CAMTA1: variants seen among roughly 807,000 people sequenced by gnomAD.
CAMTA1 encodes the protein calmodulin-binding transcription activator 1.
Under a neutral mutation model 170.9 loss-of-function variants are expected in CAMTA1, and 27 were observed. The ratio of observed to expected loss-of-function variants is 0.16; its 90% CI spans 0.12 to 0.22. The LOEUF is 0.22. Among genes scored for constraint, CAMTA1 ranks in the 10% least tolerant of loss-of-function variants. CAMTA1 has a pLI of 1.00. For synonymous variants in CAMTA1, 833 were observed against 891.5 expected, an observed-to-expected ratio of 0.93 and a Z score of 1.17; for missense variants, 1,619 against 2,217.2, an observed-to-expected ratio of 0.73 and a Z score of 5.42.
chr1:7,690,496 G>C (rs2066294), intron 11 of CAMTA1, among the ~76,000 whole-genome samples: 2 of 152,242 alleles, frequency 1.3e-5, no homozygotes, highest in Non-Finnish European at 2.9e-5. Flanking sequence ...GTGGTCTTGA[G>C]AAGAGCTGGT....
intron 3 of CAMTA1, among the ~76,000 whole-genome samples, chr1:6,969,181 G>A (rs1011007111): frequency 6.6e-6 from 1 of 152,180 alleles, no homozygotes; most frequent in Non-Finnish European, 1.5e-5. Flanking sequence ...CTACCGCAAA[G>A]GGCACTTGTT....
chr1:7,529,831 T>C (rs1019732541), intron 6 of CAMTA1, among the ~76,000 whole-genome samples: 2 of 152,346 alleles, frequency 1.3e-5, no homozygotes, highest in Middle Eastern at 3.4e-3. Context: ...AGTAGGTGTT[T>C]GATAAATGGC....
At chr1:7,237,937 C>A (rs148383426) in intron 4 of CAMTA1, among the ~76,000 whole-genome samples, 20 of 152,368 alleles carry the variant, frequency 1.3e-4, no homozygotes, top group African/African-American at 4.6e-4. Flanking sequence ...ATCCTATTCA[C>A]TAAAACAGAG....
At chr1:7,700,673 T>G (rs3011931) in intron 11 of CAMTA1, 140,833 of 152,240 alleles carry the variant, frequency 0.93, 65,240 homozygotes, top group East Asian at 1. Flanking sequence ...AAAGAATGTG[T>G]TGGGCAGGTC....
chr1:6,902,002 G>A lies in CAMTA1; in HGVS notation c.234+76792G>A, dbSNP rs75136593. Among the ~76,000 whole-genome samples the A allele has an allele frequency of 2.5e-3, 371 of 146,564 alleles. 1 individual carries two copies. Among genetic ancestry groups the A allele is most frequent in the African/African-American group, 9.1e-3 (358 of 39,198 alleles). Reference sequence around the variant, plus strand: ...GGAGGTTGCAGTGAGCAGAGATCACGCCACTGCACTTCAGCCCGAATGACA... The same window carrying A: ...GGAGGTTGCAGTGAGCAGAGATCACACCACTGCACTTCAGCCCGAATGACA... On this transcript the variant is annotated intron_variant, in intron 3 of 22. Coordinates refer to ENST00000303635, the MANE Select transcript of CAMTA1 (RefSeq NM_015215.4).
intron 6 of CAMTA1, among the ~76,000 whole-genome samples, chr1:7,623,214 C>A (rs2095611075): frequency 6.6e-6 from 1 of 152,186 alleles, no homozygotes; most frequent in African/African-American, 2.4e-5. Flanking sequence ...TCACAGTAGA[C>A]CCCAAATGTA....
In CAMTA1 at chr1:7,224,265, C is replaced by T. The variant is rs1000947070; in HGVS notation, c.303-25226C>T. Among the ~76,000 whole-genome samples, 4 of 152,148 alleles carry T rather than the reference C, an allele frequency of 2.6e-5. No individual in the cohort carries two copies. The highest frequency in any genetic ancestry group is 4.4e-5 in the Non-Finnish European group (3 of 68,042). On this transcript the variant is annotated intron_variant, in intron 4 of 22. Coordinates refer to ENST00000303635, the MANE Select transcript of CAMTA1 (RefSeq NM_015215.4). The surrounding 1 kb of genome is among the most constrained non-coding windows in gnomAD (Gnocchi z 5.2). ...CTGCAGGCTTAGCTGGAAACATAAT[C>T]GCTGCTCAAGGTCAGGCTGTGCCCA...
At chr1:7,108,751 C>T (rs763063195) in intron 4 of CAMTA1, among the ~76,000 whole-genome samples, 19 of 152,158 alleles carry the variant, frequency 1.2e-4, no homozygotes, top group South Asian at 2.1e-4. Flanking sequence ...TTACCTATTG[C>T]GCTAATTTTA....
At chr1:6,982,644 TG>T (rs199682619) in intron 3 of CAMTA1, among the ~76,000 whole-genome samples, 2,940 of 152,318 alleles carry the variant, frequency 0.019, 78 homozygotes, top group African/African-American at 0.066. Flanking sequence ...ACAGGCAGCA[TG>T]GCCCCGGGTT....
At chr1:7,491,950 G>T (rs961974298) in intron 6 of CAMTA1, among the ~76,000 whole-genome samples, 1 of 152,172 alleles carries the variant, frequency 6.6e-6, no homozygotes, top group African/African-American at 2.4e-5. Flanking sequence ...GCTCTGGCCA[G>T]CTCACCCTGG....
At chr1:7,704,393 C>T (rs1260491327) in intron 11 of CAMTA1, among the ~76,000 whole-genome samples, 2 of 146,264 alleles carry the variant, frequency 1.4e-5, no homozygotes, top group African/African-American at 4.9e-5. Context: ...GGAACCGTCG[C>T]CGCCCCATTC....
At chr1:7,316,124 C>A (rs894996671) in intron 5 of CAMTA1, among the ~76,000 whole-genome samples, 2 of 152,124 alleles carry the variant, frequency 1.3e-5, no homozygotes, top group African/African-American at 4.8e-5. Context: ...CTGAGAACAG[C>A]ACGGGGGAAA....
chr1:7,345,376 A>G (rs2084151945), intron 5 of CAMTA1, among the ~76,000 whole-genome samples: 1 of 151,832 alleles, frequency 6.6e-6, no homozygotes, highest in African/African-American at 2.4e-5. Context: ...ATCTGGATCT[A>G]TCTGGAGTTG....
intron 6 of CAMTA1, among the ~76,000 whole-genome samples, chr1:7,515,559 AGGGCTCTTGACAGGATTT>A (rs934979763): frequency 6.6e-6 from 1 of 152,134 alleles, no homozygotes; most frequent in African/African-American, 2.4e-5. Context: ...AACCCGGGCC[AGGGCTCTTGACAGGATTT>A]GGGGCTGCCT....
At chr1:7,217,453 T>A (rs578238509) in intron 4 of CAMTA1, among the ~76,000 whole-genome samples, 56 of 152,308 alleles carry the variant, frequency 3.7e-4, no homozygotes, top group South Asian at 1.9e-3. Context: ...TATAGTTGGA[T>A]CTTTCTTTTT....
intron 4 of CAMTA1, among the ~76,000 whole-genome samples, chr1:7,214,645 C>G (rs1659420752): frequency 6.6e-6 from 1 of 152,172 alleles, no homozygotes; most frequent in South Asian, 2.1e-4. Flanking sequence ...GTATTACAGG[C>G]ATGAGCCACT....
chr1:7,593,489 C>CTTTT (rs35614673), intron 6 of CAMTA1, among the ~76,000 whole-genome samples: 44 of 134,200 alleles, frequency 3.3e-4, no homozygotes, highest in African/African-American at 1.2e-3. Context: ...AATCCTAGCA[C>CTTTT]TTTTTTTTTT....
chr1:7,028,541 A>G (rs550144422), intron 3 of CAMTA1, among the ~76,000 whole-genome samples: 78 of 152,300 alleles, frequency 5.1e-4, no homozygotes, highest in African/African-American at 1.2e-3. Context: ...GCTGCCGTCC[A>G]TGAATCCGAG....
intron 5 of CAMTA1, among the ~76,000 whole-genome samples, chr1:7,320,687 A>G (rs12563394): frequency 0.29 from 37,288 of 129,842 alleles, 5,466 homozygotes; most frequent in East Asian, 0.59. Context: ...TATCTTAGCC[A>G]GCATGGTGAG....
Sources: allele counts gnomAD v4.1 joint callset (sites outside exome capture counted in the v4.1 genomes callset), GRCh38; gene constraint gnomAD v4.1.1; non-coding constraint Gnocchi (gnomAD v3.1); transcripts MANE v1.5; gene names NCBI Gene and HGNC (gene_info 2026-07-23, HGNC 2026-07-21).